Variants in PCSK2 observed in about 807,000 individuals in gnomAD.
PCSK2 encodes the protein neuroendocrine convertase 2.
Under a neutral mutation model 69.7 loss-of-function variants are expected in PCSK2, and 14 were observed. The observed-to-expected ratio is 0.20, with a 90% CI of 0.13 to 0.31. PCSK2 has a LOEUF of 0.31. Among genes scored for constraint, PCSK2 ranks in the 10% least tolerant of loss-of-function variants. The pLI is 1.00. For missense variants in PCSK2, 544 were observed against 842.5 expected, an observed-to-expected ratio of 0.65 and a Z score of 4.39; for synonymous variants, 307 against 320.7, an observed-to-expected ratio of 0.96 and a Z score of 0.46.
Position 17,465,453 on chromosome 20 carries a change from T to C in PCSK2, c.1330T>C (p.Tyr444His), listed in dbSNP as rs1331400696. The change falls in exon 11 of 12, where the codon TAC (tyrosine) becomes CAC (histidine). Residue 444 changes from tyrosine (Y) to histidine (H), a missense_variant. Coordinates refer to ENST00000262545, the MANE Select transcript of PCSK2 (RefSeq NM_002594.5). ...VGLEFNHLFG[Y>H]GVLDAGAMVK... is the part of the protein sequence containing the mutation. ...CCTGGAATTTAATCACCTCTTTGGC[T>C]ACGGGGTCCTTGATGCAGGTGCCAT... 5 of 1,614,114 alleles carry C rather than the reference T, an allele frequency of 3.1e-6. No homozygotes were observed. The highest frequency in any genetic ancestry group is 4.2e-6 in the Non-Finnish European group (5 of 1,179,970).
chr20:17,455,594 T>A (rs1213288864), intron 9 of PCSK2, among the ~76,000 whole-genome samples: 1 of 152,224 alleles, frequency 6.6e-6, no homozygotes, highest in Non-Finnish European at 1.5e-5. Context: ...TCTTCGGGAA[T>A]GCCTTCTTTC....
intron 11 of PCSK2, among the ~76,000 whole-genome samples, chr20:17,474,986 T>C (rs2033267360): frequency 6.6e-6 from 1 of 151,912 alleles, no homozygotes; most frequent in Admixed American, 6.6e-5. Context: ...AACACCTGTT[T>C]TAGGTTGGGT....
intron 1 of PCSK2, among the ~76,000 whole-genome samples, chr20:17,240,338 C>T (rs541583131): frequency 1.3e-5 from 2 of 152,184 alleles, no homozygotes; most frequent in East Asian, 3.9e-4. Flanking sequence ...TACAACTTAT[C>T]TGTGTTGTCC....
At chr20:17,230,160 T>A (rs372961154) in intron 1 of PCSK2, among the ~76,000 whole-genome samples, 40 of 152,320 alleles carry the variant, frequency 2.6e-4, no homozygotes, top group African/African-American at 8.9e-4. Context: ...TTGTGCATCT[T>A]AGAGGCCCTT....
At chr20:17,478,677 T>C (rs2123423047) in intron 11 of PCSK2, among the ~76,000 whole-genome samples, 1 of 152,338 alleles carries the variant, frequency 6.6e-6, no homozygotes, top group East Asian at 1.9e-4. Flanking sequence ...CTAATTCTCA[T>C]CATTTTCTCC....
chr20:17,328,572 A>G (rs1990127527), intron 2 of PCSK2, among the ~76,000 whole-genome samples: 1 of 152,104 alleles, frequency 6.6e-6, no homozygotes, highest in Non-Finnish European at 1.5e-5. Context: ...GCAGCTTTAA[A>G]TGACAGTTTT....
chr20:17,331,322 A>G (rs191272811), intron 2 of PCSK2, among the ~76,000 whole-genome samples: 1 of 152,198 alleles, frequency 6.6e-6, no homozygotes, highest in African/African-American at 2.4e-5. Context: ...TTACACTTTC[A>G]TGAGTGTCAC....
At chr20:17,381,973 A>G (rs1207443431) in intron 5 of PCSK2, among the ~76,000 whole-genome samples, 1 of 152,208 alleles carries the variant, frequency 6.6e-6, no homozygotes, top group Non-Finnish European at 1.5e-5. Context: ...ATCTGTGAAT[A>G]AAACCATGGC....
intron 5 of PCSK2, among the ~76,000 whole-genome samples, chr20:17,403,120 T>C (rs2031680482): frequency 6.6e-6 from 1 of 152,170 alleles, no homozygotes; most frequent in South Asian, 2.1e-4. Flanking sequence ...AAGAAAGTGA[T>C]GGGAAAATGT....
At chr20:17,421,948 T>G (rs1469530460) in intron 6 of PCSK2, among the ~76,000 whole-genome samples, 1 of 151,976 alleles carries the variant, frequency 6.6e-6, no homozygotes. Context: ...TTGTACTATA[T>G]GAAATCGGTT....
At chr20:17,328,605 G>A (rs372646094) in intron 2 of PCSK2, among the ~76,000 whole-genome samples, 53 of 152,190 alleles carry the variant, frequency 3.5e-4, no homozygotes, top group African/African-American at 1.3e-3. Flanking sequence ...TATGTTTGGT[G>A]AGAAAGGGTG....
At chr20:17,310,219 C>A (rs1431847534) in intron 2 of PCSK2, among the ~76,000 whole-genome samples, 1 of 152,132 alleles carries the variant, frequency 6.6e-6, no homozygotes, top group Non-Finnish European at 1.5e-5. Context: ...ACACTGTCCC[C>A]CTGATAAGAC....
chr20:17,231,622 C>G (rs1986144898), intron 1 of PCSK2, among the ~76,000 whole-genome samples: 1 of 152,172 alleles, frequency 6.6e-6, no homozygotes, highest in African/African-American at 2.4e-5. Flanking sequence ...CATCAGTTTT[C>G]TATTGCTGTG....
chr20:17,264,968 T>A (rs2143240), intron 2 of PCSK2, among the ~76,000 whole-genome samples: 80,398 of 151,768 alleles, frequency 0.53, 21,499 homozygotes, highest in East Asian at 0.66. Context: ...GGTTCAAGTG[T>A]TTCTTGTGCC....
At chr20:17,389,013 T>G (rs955269382) in intron 5 of PCSK2, among the ~76,000 whole-genome samples, 3 of 152,166 alleles carry the variant, frequency 2.0e-5, no homozygotes, top group African/African-American at 7.2e-5. Flanking sequence ...TAATAGATAA[T>G]GAGAAATTGT....
chr20:17,327,825 A>G (rs1305550613), intron 2 of PCSK2, among the ~76,000 whole-genome samples: 1 of 152,222 alleles, frequency 6.6e-6, no homozygotes, highest in African/African-American at 2.4e-5. Flanking sequence ...CAAACACACC[A>G]TTAATTTCAC....
intron 11 of PCSK2, 97 bp downstream of exon 11, chr20:17,465,650 G>A (rs2033089083): frequency 2.6e-6 from 2 of 769,780 alleles, no homozygotes; most frequent in Non-Finnish European, 4.2e-6. Flanking sequence ...TTCATGTTTG[G>A]GTCAACTGTA....
chr20:17,397,732 C>T lies in PCSK2; in HGVS notation c.544-11531C>T, dbSNP rs541246447. Among the ~76,000 whole-genome samples, 36 of 152,142 alleles carry T rather than the reference C, an allele frequency of 2.4e-4. 1 individual carries two copies. Among genetic ancestry groups the T allele is most frequent in the Admixed American group, 5.9e-4 (9 of 15,272 alleles). On this transcript the variant is annotated intron_variant, in intron 5 of 11. Coordinates refer to ENST00000262545, the MANE Select transcript of PCSK2 (RefSeq NM_002594.5). ...GACCTCATGATCCACCTGCCTCGGC[C>T]TCCCAAAGTGCTGGGATTACAAGTG...
In PCSK2 at chr20:17,227,280, GCAC is replaced by G; in HGVS notation, c.-22_-20del. ...GCTCCGCCAGCCTGCGCGCCTCCTA[GCAC>G]CACTTTTCACTCCCAAAGAAGGATG... On this transcript the variant is annotated 5_prime_UTR_variant, in exon 1 of 12. Transcript: ENST00000262545. 1 of 1,605,212 alleles carries G rather than the reference GCAC, an allele frequency of 6.2e-7. No homozygotes were observed. The highest frequency in any genetic ancestry group is 8.5e-7 in the Non-Finnish European group (1 of 1,173,188).
Sources: allele counts gnomAD v4.1 joint callset (sites outside exome capture counted in the v4.1 genomes callset), GRCh38; gene constraint gnomAD v4.1.1; transcripts MANE v1.5; gene names NCBI Gene and HGNC (gene_info 2026-07-23, HGNC 2026-07-21).